The following PTPRO variants were observed in gnomAD, a reference collection of about 807,000 sequenced individuals.
PTPRO encodes receptor-type tyrosine-protein phosphatase O.
A neutral mutation model predicts 145.2 loss-of-function variants in PTPRO; 62 were observed. The observed-to-expected ratio is 0.43, with a 90% CI of 0.35 to 0.53. The LOEUF is 0.53. Among genes scored for constraint, PTPRO ranks in the 20% least tolerant of loss-of-function variants. The pLI is 0.01. For missense variants in PTPRO, 1,345 were observed against 1,482.7 expected, an observed-to-expected ratio of 0.91 and a Z score of 1.53; for synonymous variants, 565 against 514.7, an observed-to-expected ratio of 1.10 and a Z score of -1.32.
intron 1 of PTPRO, among the ~76,000 whole-genome samples, chr12:15,375,224 G>T (rs1938646016): frequency 6.6e-6 from 1 of 152,146 alleles, no homozygotes; most frequent in Non-Finnish European, 1.5e-5. Context: ...CTGACTTTCA[G>T]ATTTGCCACA....
rs562798474 is a variant in PTPRO, at chr12:15,577,390, C to G, written c.2830-1463C>G. Among the ~76,000 whole-genome samples the G allele has an allele frequency of 6.6e-5, 10 of 152,260 alleles. No individual in the cohort carries two copies. In the East Asian group the frequency reaches 1.9e-3, roughly 29 times the overall value. On this transcript the variant is annotated intron_variant, in intron 19 of 26. Transcript: ENST00000281171. ...TTAAAAGCATCAGAAGACCCAATAACTTGATTAATAAAGCATGTGCTTTGC... is the reference window on the plus strand; with the variant it reads ...TTAAAAGCATCAGAAGACCCAATAAGTTGATTAATAAAGCATGTGCTTTGC...
intron 2 of PTPRO, among the ~76,000 whole-genome samples, chr12:15,493,123 G>A (rs1942032789): frequency 6.6e-6 from 1 of 152,006 alleles, no homozygotes; most frequent in Admixed American, 6.6e-5. Context: ...TATCTACAAA[G>A]GAATGACTAT....
intron 23 of PTPRO, 33 bp downstream of exon 23, chr12:15,581,834 C>A: frequency 6.2e-7 from 1 of 1,612,872 alleles, no homozygotes; most frequent in Non-Finnish European, 8.5e-7. Flanking sequence ...GGTGCTGTCC[C>A]TATGCTGACA....
intron 11 of PTPRO, 53 bp downstream of exon 11, chr12:15,525,018 C>A: frequency 6.3e-7 from 1 of 1,584,074 alleles, no homozygotes; most frequent in Non-Finnish European, 8.6e-7. Flanking sequence ...GTTTTATGAA[C>A]TATTGAAAAC....
intron 1 of PTPRO, among the ~76,000 whole-genome samples, chr12:15,353,881 C>T (rs932513852): frequency 6.6e-5 from 10 of 152,240 alleles, no homozygotes; most frequent in African/African-American, 9.6e-5. Context: ...GTTTCATCTC[C>T]GGTTACAATT....
At chr12:15,366,638 C>T (rs1938370088) in intron 1 of PTPRO, among the ~76,000 whole-genome samples, 1 of 152,036 alleles carries the variant, frequency 6.6e-6, no homozygotes, top group Admixed American at 6.5e-5. Context: ...CATATTAATA[C>T]TTATTTTTGA....
chr12:15,335,220 C>G (rs1488487206), intron 1 of PTPRO, among the ~76,000 whole-genome samples: 1 of 151,884 alleles, frequency 6.6e-6, no homozygotes, highest in African/African-American at 2.4e-5. Context: ...TTTGAATGTA[C>G]TTAAAATTCT....
At chr12:15,347,380 T>C (rs1165850939) in intron 1 of PTPRO, among the ~76,000 whole-genome samples, 1 of 152,234 alleles carries the variant, frequency 6.6e-6, no homozygotes, top group African/African-American at 2.4e-5. Flanking sequence ...GATTTCCCTG[T>C]ATATTTATAT....
chr12:15,556,397 C>T (rs1004068248), intron 15 of PTPRO, among the ~76,000 whole-genome samples: 4 of 151,424 alleles, frequency 2.6e-5, no homozygotes, highest in Non-Finnish European at 5.9e-5. Context: ...CCATTAATTC[C>T]GTATAAAGAA....
intron 6 of PTPRO, among the ~76,000 whole-genome samples, chr12:15,505,094 T>C (rs1409298198): frequency 6.6e-6 from 1 of 152,210 alleles, no homozygotes; most frequent in Non-Finnish European, 1.5e-5. Flanking sequence ...TATTTCATTC[T>C]TCCCATAAGA....
At chr12:15,588,956 C>T (rs868587491) in intron 24 of PTPRO, among the ~76,000 whole-genome samples, 15 of 152,274 alleles carry the variant, frequency 9.9e-5, no homozygotes, top group Middle Eastern at 6.8e-3. Context: ...GAAGGAACAC[C>T]AACCACAACT....
At chr12:15,439,546 G>T in intron 1 of PTPRO, 2 of 246,912 alleles carry the variant, frequency 8.1e-6, no homozygotes, top group South Asian at 4.7e-5. Context: ...GACGCTGGTG[G>T]AGCGAGGGGG....
intron 1 of PTPRO, among the ~76,000 whole-genome samples, chr12:15,479,581 A>G (rs1941734602): frequency 6.6e-6 from 1 of 152,226 alleles, no homozygotes; most frequent in Admixed American, 6.5e-5. Flanking sequence ...GGCAAAGCCC[A>G]TCTCATCTCT....
intron 1 of PTPRO, among the ~76,000 whole-genome samples, chr12:15,403,889 A>G (rs1347642338): frequency 2.0e-5 from 3 of 151,968 alleles, no homozygotes; most frequent in African/African-American, 7.3e-5. Context: ...TATTTATTTT[A>G]TACCAATTCC....
intron 1 of PTPRO, among the ~76,000 whole-genome samples, chr12:15,379,049 A>G (rs1038776107): frequency 6.6e-6 from 1 of 152,182 alleles, no homozygotes; most frequent in African/African-American, 2.4e-5. Context: ...GTAATAAAGT[A>G]GAGAATTTAG....
rs544839223 is a variant in PTPRO at position 15,560,734 on chromosome 12, C to T, written c.2711+458C>T. Among the ~76,000 whole-genome samples, 7 of 152,104 alleles carry T rather than the reference C, an allele frequency of 4.6e-5. No individual in the cohort carries two copies. In the South Asian group the frequency reaches 8.3e-4, roughly 18 times the overall value. ...AGTGACTATTAAACAGCTGACTATA[C>T]GCAAGCCTCTTTGTATGATTATCTG... is the stretch of plus-strand genomic sequence containing the variant. On this transcript the variant is annotated intron_variant, in intron 17 of 26. Coordinates refer to ENST00000281171, the MANE Select transcript of PTPRO (RefSeq NM_030667.3).
At chr12:15,484,946 A>C (rs253850) in intron 2 of PTPRO, among the ~76,000 whole-genome samples, 3,020 of 152,208 alleles carry the variant, frequency 0.02, 113 homozygotes, top group East Asian at 0.14. Context: ...CTATGTTGAC[A>C]TGTGGAAGAA....
At chr12:15,473,078 C>T (rs932944890) in intron 1 of PTPRO, among the ~76,000 whole-genome samples, 3 of 152,162 alleles carry the variant, frequency 2.0e-5, no homozygotes, top group Non-Finnish European at 4.4e-5. Flanking sequence ...ATCAGCAACC[C>T]TTGTCAGGCC....
chr12:15,339,471 A>C (rs538196727), intron 1 of PTPRO, among the ~76,000 whole-genome samples: 105 of 152,298 alleles, frequency 6.9e-4, no homozygotes, highest in Non-Finnish European at 1.2e-3. Context: ...AAAAATTATC[A>C]TACCTCATTT....
Sources: gnomAD v4.1 joint callset for allele counts (sites outside exome capture counted in the v4.1 genomes callset) on GRCh38, gnomAD v4.1.1 for gene constraint, MANE v1.5 for transcripts, NCBI Gene and HGNC (gene_info 2026-07-23, HGNC 2026-07-21) for gene names.